DAGLB: variants seen among roughly 807,000 people sequenced by gnomAD.
DAGLB encodes diacylglycerol lipase beta.
In DAGLB, 66 loss-of-function variants were observed where a neutral mutation model predicts 72.1. That is an observed-to-expected ratio of 0.92 (90% CI 0.75 to 1.12). The LOEUF is 1.12. Among genes scored for constraint, DAGLB ranks in the 50% most tolerant of loss-of-function variants. The probability of loss-of-function intolerance (pLI) is 0.00; values close to 1 mark genes in which losing one functional copy is unlikely to be tolerated. For synonymous variants in DAGLB, 414 were observed against 359.5 expected (o/e 1.15, Z -1.71); for missense variants, 1,065 against 884.9 (o/e 1.20, Z -2.58).
chr7:6,425,155 G>C (rs1784263626), intron 7 of DAGLB, among the ~76,000 whole-genome samples: 1 of 152,238 alleles, frequency 6.6e-6, no homozygotes, highest in South Asian at 2.1e-4. Context: ...AGGTTCTACT[G>C]GGCAGCAAAG....
chr7:6,445,953 C>T lies in DAGLB; in HGVS notation c.247G>A (p.Gly83Arg). The change falls in exon 2 of 15, where the codon GGA becomes AGA. Residue 83 changes from glycine to arginine, a missense_variant and splice_region_variant. By Grantham distance (125) the Gly-to-Arg change is moderately radical. Transcript: ENST00000297056. ...TCAAATAGAAAAGGCTACTTTTTACCTCTCATGCTGACACACATGATGGCT... is the reference window on the plus strand; with the variant it reads ...TCAAATAGAAAAGGCTACTTTTTACTTCTCATGCTGACACACATGATGGCT... The part of the protein sequence containing the change: ...VSAIMCVSMR[G>R]TICNPGPRKS... 5.1e-6 allele frequency: 8 copies of T among 1,583,446 alleles called. No individual in the cohort carries two copies. Among genetic ancestry groups the T allele is most frequent in the Non-Finnish European group, 6.0e-6 (7 of 1,168,280 alleles).
chr7:6,431,558 G>C (rs376653497), intron 5 of DAGLB, among the ~76,000 whole-genome samples: 59 of 152,262 alleles, frequency 3.9e-4, no homozygotes, highest in African/African-American at 9.4e-4. Context: ...AATCACTTGA[G>C]GCTAAGAGTT....
intron 1 of DAGLB, among the ~76,000 whole-genome samples, chr7:6,446,957 T>C (rs1785026353): frequency 6.6e-6 from 1 of 151,794 alleles, no homozygotes. Flanking sequence ...CTGCAGTGAG[T>C]GGTGATCGCA....
At chr7:6,434,611 C>T (rs1281849117) in intron 4 of DAGLB, 151 bp downstream of exon 4, 2 of 1,257,360 alleles carry the variant, frequency 1.6e-6, no homozygotes, top group Admixed American at 2.2e-5. Flanking sequence ...CCCTGGAGGG[C>T]TCATCACAGA....
chr7:6,447,704 C>T (rs549873449), intron 1 of DAGLB, 44 bp downstream of exon 1: 68 of 1,591,582 alleles, frequency 4.3e-5, no homozygotes, highest in Non-Finnish European at 5.6e-5. Flanking sequence ...GCCCCCCGCT[C>T]CCTCTCCGGT....
intron 4 of DAGLB, among the ~76,000 whole-genome samples, chr7:6,434,222 T>C (rs953158346): frequency 7.0e-6 from 1 of 142,296 alleles, no homozygotes; most frequent in Non-Finnish European, 1.5e-5. Flanking sequence ...TATAAAAAGA[T>C]GACACGCTGC....
chr7:6,430,376 A>G, intron 6 of DAGLB, 104 bp downstream of exon 6: 2 of 1,278,902 alleles, frequency 1.6e-6, no homozygotes, highest in Non-Finnish European at 2.0e-6. Flanking sequence ...TAAAGGATTC[A>G]TGGGAGTTCT....
intron 4 of DAGLB, among the ~76,000 whole-genome samples, chr7:6,434,543 A>G (rs1230458212): frequency 6.6e-6 from 1 of 152,164 alleles, no homozygotes; most frequent in Non-Finnish European, 1.5e-5. Context: ...GTCAATACGA[A>G]GACATGTCCT....
In DAGLB at chr7:6,410,468, G is replaced by C. The variant is rs965914712; in HGVS notation, c.1570-88C>G. 3.3e-5 allele frequency: 50 copies of C among 1,507,884 alleles called. 1 individual carries two copies. Among genetic ancestry groups the C allele is most frequent in the Non-Finnish European group, 4.4e-5 (49 of 1,124,988 alleles). 93.4% of individuals were successfully genotyped at this position (1,507,884 alleles called of 1,614,324 possible). A position where few individuals can be genotyped will look rare whatever the true frequency, so the allele number is the denominator to read the frequency against. ...AAACACCAAGGCGGACCAGGCACAG[G>C]AATCTGCCCTTTGACCCAGAAACCC... On this transcript the variant is annotated intron_variant, in intron 13 of 14. Coordinates refer to ENST00000297056, the MANE Select transcript of DAGLB (RefSeq NM_139179.4).
chr7:6,447,879 C>G lies in DAGLB; in HGVS notation c.-37G>C, dbSNP rs768714287. On this transcript the variant is annotated 5_prime_UTR_variant, in exon 1 of 15. Coordinates refer to ENST00000297056, the MANE Select transcript of DAGLB (RefSeq NM_139179.4). ...CGTAGCTCGCACTCAGGAGAGACCC[C>G]GCGCGCCGTTCACCGAGAACAAACC... 6.4e-7 allele frequency: 1 copy of G among 1,569,182 alleles called. No individual in the cohort carries two copies. Among genetic ancestry groups the G allele is most frequent in the Non-Finnish European group, 8.6e-7 (1 of 1,162,090 alleles).
In DAGLB at chr7:6,434,986, T is replaced by C; in HGVS notation, c.454A>G (p.Ile152Val). Residue 152 changes from isoleucine (I) to valine (V), a missense_variant, in exon 4 of 15, where the codon ATC becomes GTC. By Grantham distance (29) the Ile-to-Val change is conservative. Transcript: ENST00000297056. ...CCCCCAAGAGGGTCAAAGACAATGA[T>C]AATGGAAACCACTGTGGCAGCGATG... Reference protein sequence around the residue: ...IIIAATVVSIIIVFDPLGGKM... With the variant: ...IIIAATVVSIVIVFDPLGGKM... 6.2e-7 allele frequency: 1 copy of C among 1,613,792 alleles called. No homozygotes were observed. The highest frequency in any genetic ancestry group is 8.5e-7 in the Non-Finnish European group (1 of 1,180,000).
chr7:6,421,299 T>C (rs1784109337), intron 9 of DAGLB, among the ~76,000 whole-genome samples: 3 of 104,194 alleles, frequency 2.9e-5, no homozygotes, highest in East Asian at 4.8e-4. Flanking sequence ...CCAGGGCTGC[T>C]GTGAGAATCA....
rs1336758961 is a variant in DAGLB, at chr7:6,424,812, C to T, written c.1080G>A (p.Val360=). The T allele has an allele frequency of 4.3e-6, 7 of 1,613,712 alleles. No homozygotes were observed. The East Asian group carries it at 1.6e-4, about 36-fold the overall frequency. ...CAGACTCTTTCCTGTGATCCAGAGC[C>T]ACTAAAAACGGCAGCTCGTAAACCT... is the stretch of plus-strand genomic sequence containing the variant. ...HDKVYELPFL[V]ALDHRKESVV... Residue 360 remains valine, a synonymous_variant, in exon 8 of 15, where the codon GTG becomes GTA. Transcript: ENST00000297056.
At chr7:6,427,159 A>G (rs1784340025) in intron 6 of DAGLB, among the ~76,000 whole-genome samples, 1 of 152,190 alleles carries the variant, frequency 6.6e-6, no homozygotes, top group South Asian at 2.1e-4. Context: ...AACTAAAAAA[A>G]CTACAAACAC....
At chr7:6,415,121 G>A (rs534343869) in intron 11 of DAGLB, among the ~76,000 whole-genome samples, 2 of 151,524 alleles carry the variant, frequency 1.3e-5, no homozygotes, top group East Asian at 1.9e-4. Context: ...TGACTGTGCT[G>A]CTGCACTCCA....
In DAGLB at chr7:6,426,035, T is replaced by C. The variant is rs1270315512; in HGVS notation, c.1009A>G (p.Thr337Ala). Reference sequence around the variant, plus strand: ...ATGAAGTCCCTGTACTGCAGCCCTGTGGTGTGCAGGATGGAGCCGAAGTGA... The same window carrying C: ...ATGAAGTCCCTGTACTGCAGCCCTGCGGTGTGCAGGATGGAGCCGAAGTGA... The part of the protein sequence containing the change: ...NCHFGSILHT[T>A]GLQYRDFIHV... The change falls in exon 7 of 15, where the codon ACA becomes GCA. Residue 337 changes from threonine (T) to alanine (A), a missense_variant. Coordinates refer to ENST00000297056, the MANE Select transcript of DAGLB (RefSeq NM_139179.4). 6.2e-7 allele frequency: 1 copy of C among 1,614,028 alleles called. No individual in the cohort carries two copies. Among genetic ancestry groups the C allele is most frequent in the African/African-American group, 1.3e-5 (1 of 74,936 alleles).
chr7:6,410,240 G>C lies in DAGLB; in HGVS notation c.1710C>G (p.Ser570=). The part of the protein sequence containing the change: ...LGEQSLLTRW[S]PAYSFSSDSP... ...AGTCGCTGGAGAAGCTGTAGGCCGG[G>C]GACCAGCGCGTCAGTAGGCTCTGCT... is the stretch of plus-strand genomic sequence containing the variant. Residue 570 remains serine (S), a synonymous_variant, in exon 14 of 15, where the codon TCC becomes TCG. Transcript: ENST00000297056. 1 of 1,612,634 alleles carries C rather than the reference G, an allele frequency of 6.2e-7. No individual in the cohort carries two copies. The highest frequency in any genetic ancestry group is 8.5e-7 in the Non-Finnish European group (1 of 1,179,366).
chr7:6,411,745 A>G (rs548337112), intron 13 of DAGLB, among the ~76,000 whole-genome samples: 39 of 152,228 alleles, frequency 2.6e-4, no homozygotes, highest in Non-Finnish European at 4.7e-4. Context: ...AGTAAAAATC[A>G]TCTCTACCGA....
rs1783652209 is a variant in DAGLB, at chr7:6,409,713, C to G, written c.*124G>C. On this transcript the variant is annotated 3_prime_UTR_variant, in exon 15 of 15. Transcript: ENST00000297056. ...GTCATTGAGACCATGGAATTCTGTT[C>G]CCATCCGATTCCTGTTGATGGACAT... The G allele has an allele frequency of 9.0e-7, 1 of 1,110,428 alleles. No individual in the cohort carries two copies. The highest frequency in any genetic ancestry group is 1.6e-5 in the African/African-American group (1 of 63,762). 68.8% of individuals were successfully genotyped at this position (1,110,428 alleles called of 1,614,324 possible).
Sources: gnomAD v4.1 joint callset for allele counts (sites outside exome capture counted in the v4.1 genomes callset) on GRCh38, gnomAD v4.1.1 for gene constraint, MANE v1.5 for transcripts, NCBI Gene and HGNC (gene_info 2026-07-23, HGNC 2026-07-21) for gene names.